GALNTL6: variants seen among roughly 807,000 people sequenced by gnomAD.
GALNTL6 encodes polypeptide N-acetylgalactosaminyltransferase-like 6.
GALNTL6 carries 46 observed loss-of-function variants against 73.7 expected under a neutral mutation model. That is an observed-to-expected ratio of 0.62 (90% CI 0.49 to 0.80). The LOEUF (loss-of-function observed/expected upper bound fraction) is 0.80. GALNTL6 is among the 30% of genes least tolerant of loss of function. The probability of loss-of-function intolerance (pLI) is 0.00; values close to 1 mark genes in which losing one functional copy is unlikely to be tolerated. For missense variants in GALNTL6, 604 were observed against 755.0 expected (o/e 0.80, Z 2.34); for synonymous variants, 259 against 263.7 (o/e 0.98, Z 0.17).
chr4:172,997,104 G>A (rs1158398921), intron 10 of GALNTL6, among the ~76,000 whole-genome samples: 1 of 152,148 alleles, frequency 6.6e-6, no homozygotes, highest in East Asian at 1.9e-4. Flanking sequence ...ATCTGTACCA[G>A]ACTCCAATCC....
At chr4:171,924,207 CACACACAA>C (rs1737901684) in intron 2 of GALNTL6, among the ~76,000 whole-genome samples, 1 of 150,578 alleles carries the variant, frequency 6.6e-6, no homozygotes, top group Non-Finnish European at 1.5e-5. Flanking sequence ...CACACACACA[CACACACAA>C]ACACACACAC....
intron 2 of GALNTL6, among the ~76,000 whole-genome samples, chr4:172,047,778 TAGTC>T (rs1742262933): frequency 6.6e-6 from 1 of 152,072 alleles, no homozygotes; most frequent in African/African-American, 2.4e-5. Flanking sequence ...AAAGAATTGA[TAGTC>T]AATGTTTTTT....
Position 172,407,805 on chromosome 4 carries a change from G to A in GALNTL6, c.553+59116G>A, listed in dbSNP as rs571332699. 3.9e-5 allele frequency among the ~76,000 whole-genome samples: 6 copies of A among 152,062 alleles called. 1 individual carries two copies. The South Asian group carries it at 1.2e-3, about 31-fold the overall frequency. On this transcript the variant is annotated intron_variant, in intron 5 of 12. Coordinates refer to ENST00000506823, the MANE Select transcript of GALNTL6 (RefSeq NM_001034845.3). ...GAATTAGCCTCAATAAAGAGAAAAT[G>A]GAATTGAATGTTTAGCTAATTCCAT...
chr4:172,074,605 G>A (rs1465086356), intron 2 of GALNTL6, among the ~76,000 whole-genome samples: 1 of 151,878 alleles, frequency 6.6e-6, no homozygotes, highest in Non-Finnish European at 1.5e-5. Context: ...CAAAATATAG[G>A]CTCAGAAAAA....
intron 2 of GALNTL6, among the ~76,000 whole-genome samples, chr4:171,924,851 C>A (rs1737931367): frequency 6.6e-6 from 1 of 152,074 alleles, no homozygotes; most frequent in Non-Finnish European, 1.5e-5. Context: ...AACAACCAGT[C>A]AGGTTGCACC....
rs543217923 is a variant in GALNTL6 at position 172,196,109 on chromosome 4, G to A, written c.139-33547G>A. Among the ~76,000 whole-genome samples the A allele has an allele frequency of 2.0e-3, 295 of 147,488 alleles. 2 individuals are homozygous for A. Among genetic ancestry groups the A allele is most frequent in the Non-Finnish European group, 3.6e-3 (243 of 67,356 alleles). On this transcript the variant is annotated intron_variant, in intron 2 of 12. Transcript: ENST00000506823. Reference sequence around the variant, plus strand: ...AATAGACACAATAAAATGTGATAAAGGGGATATCACCACTGACCCCACAGA... The same window carrying A: ...AATAGACACAATAAAATGTGATAAAAGGGATATCACCACTGACCCCACAGA...
In GALNTL6 at chr4:172,292,030, T is replaced by C. The variant is rs1040350979; in HGVS notation, c.248-19584T>C. ...CAAATTATCTGTTCAAGTTCAACAC[T>C]CACTCATACATTCATTGTATAAATT... On this transcript the variant is annotated intron_variant, in intron 3 of 12. Coordinates refer to ENST00000506823, the MANE Select transcript of GALNTL6 (RefSeq NM_001034845.3). Among the ~76,000 whole-genome samples, 14 of 152,264 alleles carry C rather than the reference T, an allele frequency of 9.2e-5. No individual in the cohort carries two copies. The South Asian group carries it at 2.7e-3, about 29-fold the overall frequency.
chr4:172,037,919 A>G (rs1741979596), intron 2 of GALNTL6, among the ~76,000 whole-genome samples: 1 of 152,016 alleles, frequency 6.6e-6, no homozygotes, highest in African/African-American at 2.4e-5. Flanking sequence ...GGAGTTTGAG[A>G]CCAGCCTGGC....
At chr4:171,964,661 C>T (rs1739332728) in intron 2 of GALNTL6, among the ~76,000 whole-genome samples, 1 of 152,136 alleles carries the variant, frequency 6.6e-6, no homozygotes, top group African/African-American at 2.4e-5. Flanking sequence ...ATGTTATTCT[C>T]TAAGAACACT....
At chr4:172,544,903 A>G (rs372957800) in intron 5 of GALNTL6, among the ~76,000 whole-genome samples, 1 of 152,184 alleles carries the variant, frequency 6.6e-6, no homozygotes, top group Admixed American at 6.5e-5. Flanking sequence ...AGTTTCTTAC[A>G]TTCCTCAGAT....
intron 2 of GALNTL6, among the ~76,000 whole-genome samples, chr4:172,028,734 C>CAA (rs1302000796): frequency 6.6e-6 from 1 of 151,716 alleles, no homozygotes; most frequent in Non-Finnish European, 1.5e-5. Context: ...TTATCAAAGA[C>CAA]AAAAAAATGC....
At chr4:172,803,624 T>G (rs959708721) in intron 5 of GALNTL6, among the ~76,000 whole-genome samples, 1 of 152,228 alleles carries the variant, frequency 6.6e-6, no homozygotes, top group African/African-American at 2.4e-5. Flanking sequence ...TCATCACTCT[T>G]TGTGTGATGT....
chr4:172,005,570 C>G (rs1740818242), intron 2 of GALNTL6, among the ~76,000 whole-genome samples: 2 of 152,150 alleles, frequency 1.3e-5, no homozygotes, highest in Admixed American at 1.3e-4. Flanking sequence ...TATCCCCTCT[C>G]CCATCCCATC....
intron 8 of GALNTL6, among the ~76,000 whole-genome samples, chr4:172,883,922 A>G (rs1745586657): frequency 1.3e-5 from 2 of 152,108 alleles, no homozygotes; most frequent in Non-Finnish European, 2.9e-5. Flanking sequence ...CACTTAAAAT[A>G]ATGACCTTCA....
At chr4:171,903,796 T>G (rs1030942437) in intron 2 of GALNTL6, among the ~76,000 whole-genome samples, 1 of 152,034 alleles carries the variant, frequency 6.6e-6, no homozygotes, top group Non-Finnish European at 1.5e-5. Context: ...GCTGGAGATC[T>G]GAGAACGGGC....
At chr4:172,631,727 G>A (rs896956251) in intron 5 of GALNTL6, among the ~76,000 whole-genome samples, 5 of 152,096 alleles carry the variant, frequency 3.3e-5, no homozygotes, top group African/African-American at 9.7e-5. Context: ...TCCCTCCAGC[G>A]GGTTCTGTTT....
intron 2 of GALNTL6, among the ~76,000 whole-genome samples, chr4:171,916,873 C>T (rs1737647517): frequency 6.6e-6 from 1 of 151,936 alleles, no homozygotes; most frequent in Non-Finnish European, 1.5e-5. Flanking sequence ...TTCAGAATCT[C>T]CAAAAGAACC....
chr4:172,312,333 T>TA (rs2111146408), intron 4 of GALNTL6, among the ~76,000 whole-genome samples: 1 of 152,316 alleles, frequency 6.6e-6, no homozygotes, highest in South Asian at 2.1e-4. Flanking sequence ...ATGATACTAC[T>TA]ATATATACTT....
chr4:172,487,092 A>G (rs1426073488), intron 5 of GALNTL6, among the ~76,000 whole-genome samples: 1 of 152,202 alleles, frequency 6.6e-6, no homozygotes, highest in African/African-American at 2.4e-5. Context: ...GGGCTAAGTA[A>G]TAAATTTTCA....
Sources: allele counts gnomAD v4.1 joint callset (sites outside exome capture counted in the v4.1 genomes callset), GRCh38; gene constraint gnomAD v4.1.1; transcripts MANE v1.5; gene names NCBI Gene and HGNC (gene_info 2026-07-23, HGNC 2026-07-21).